The following OPCML variants were observed in gnomAD, a reference collection of about 807,000 sequenced individuals.
OPCML encodes opioid binding protein/cell adhesion molecule like, also known as opioid-binding protein/cell adhesion molecule.
OPCML carries 13 observed loss-of-function variants against 37.8 expected under a neutral mutation model. The observed-to-expected ratio is 0.34, with a 90% CI of 0.22 to 0.55. The LOEUF is 0.55. Ranked by LOEUF, OPCML falls within the 20% of genes least tolerant of loss-of-function variation. The probability of loss-of-function intolerance (pLI) is 0.91; values close to 1 mark genes in which losing one functional copy is unlikely to be tolerated. For synonymous variants in OPCML, 176 were observed against 168.8 expected (o/e 1.04, Z -0.33); for missense variants, 341 against 435.6 (o/e 0.78, Z 1.93).
In OPCML at chr11:132,416,675, G is replaced by A. The variant is rs1238500051; in HGVS notation, c.*3518C>T. ...GCATGGATGTAAGAAGAAAGAGACT[G>A]GGGCCTCTTTGTGACACAACACCTT... On this transcript the variant is annotated 3_prime_UTR_variant, in exon 8 of 8. Coordinates refer to ENST00000524381, the MANE Select transcript of OPCML (RefSeq NM_001012393.5). 6.6e-6 allele frequency: 1 copy of A among 152,124 alleles called. No individual in the cohort carries two copies. The highest frequency in any genetic ancestry group is 1.5e-5 in the Non-Finnish European group (1 of 68,028). The allele number at this position is 152,124 out of a possible 1,614,324, so 9.4% of individuals were successfully genotyped here.
chr11:132,964,114 A>G (rs1946159334), intron 1 of OPCML, among the ~76,000 whole-genome samples: 1 of 152,216 alleles, frequency 6.6e-6, no homozygotes, highest in Non-Finnish European at 1.5e-5. Flanking sequence ...GTTGAGAGGA[A>G]AGTCACAGTC....
intron 2 of OPCML, among the ~76,000 whole-genome samples, chr11:132,827,132 CAT>C (rs1940396070): frequency 1.3e-5 from 2 of 152,064 alleles, no homozygotes; most frequent in Admixed American, 1.3e-4. Context: ...GAAGACAAGA[CAT>C]AGGATGGGAG....
At chr11:133,043,963 G>T (rs756239947) in intron 1 of OPCML, among the ~76,000 whole-genome samples, 3 of 152,208 alleles carry the variant, frequency 2.0e-5, no homozygotes, top group Non-Finnish European at 2.9e-5. Context: ...ATCGAGGGGG[G>T]CACAGCAGAC....
chr11:133,016,593 G>C (rs542274725), intron 1 of OPCML, among the ~76,000 whole-genome samples: 1 of 152,296 alleles, frequency 6.6e-6, no homozygotes, highest in East Asian at 1.9e-4. Flanking sequence ...CTGTGCATTA[G>C]AACATAATAT....
In OPCML at chr11:132,511,831, C is replaced by T. The variant is rs191166516; in HGVS notation, c.505+17230G>A. ...AAAACATAGAATATAACGTTTTTAA[C>T]CTCCATTAAGTGTGAAATATTGATA... On this transcript the variant is annotated intron_variant, in intron 4 of 7. Coordinates refer to ENST00000524381, the MANE Select transcript of OPCML (RefSeq NM_001012393.5). 3.4e-3 allele frequency among the ~76,000 whole-genome samples: 519 copies of T among 150,978 alleles called. 2 individuals are homozygous for T. Among genetic ancestry groups the T allele is most frequent in the African/African-American group, 0.012 (491 of 41,284 alleles).
At chr11:132,592,618 G>A (rs544674714) in intron 3 of OPCML, among the ~76,000 whole-genome samples, 1 of 152,328 alleles carries the variant, frequency 6.6e-6, no homozygotes, top group Admixed American at 6.5e-5. Flanking sequence ...GACCTGCAGT[G>A]CAGGACCCTC....
chr11:133,301,458 G>T (rs964488229), intron 1 of OPCML: 2 of 152,106 alleles, frequency 1.3e-5, no homozygotes, highest in Non-Finnish European at 2.9e-5. Flanking sequence ...ACAAAAATAC[G>T]AATTTGAGGT....
rs57020434 is a variant in OPCML at position 132,686,200 on chromosome 11, A to G, written c.147-28881T>C. 8.3e-3 allele frequency among the ~76,000 whole-genome samples: 1,269 copies of G among 152,298 alleles called. 22 individuals carry two copies. Among genetic ancestry groups the G allele is most frequent in the African/African-American group, 0.029 (1,207 of 41,554 alleles). The stretch of plus-strand genomic sequence containing the variant: ...CCGAAGCAGATGTGTGCAGATCATC[A>G]ATTCTAACTCAGACTGTGCAACTTG... On this transcript the variant is annotated intron_variant, in intron 2 of 7. Coordinates refer to ENST00000524381, the MANE Select transcript of OPCML (RefSeq NM_001012393.5).
chr11:133,319,941 T>C (rs1943291512), intron 1 of OPCML, among the ~76,000 whole-genome samples: 1 of 152,238 alleles, frequency 6.6e-6, no homozygotes, highest in Non-Finnish European at 1.5e-5. Context: ...ATGCATCAGG[T>C]TGGTGTGGGA....
chr11:132,615,998 G>T (rs529168452), intron 3 of OPCML, among the ~76,000 whole-genome samples: 1 of 152,128 alleles, frequency 6.6e-6, no homozygotes, highest in Non-Finnish European at 1.5e-5. Context: ...TGAAGAAGCA[G>T]GTCTGTTTAT....
At chr11:133,315,410 A>G (rs1464180705) in intron 1 of OPCML, among the ~76,000 whole-genome samples, 1 of 152,200 alleles carries the variant, frequency 6.6e-6, no homozygotes, top group African/African-American at 2.4e-5. Context: ...CACTTAGGAA[A>G]ACCACTACTA....
chr11:132,567,468 A>G (rs2096426386), intron 3 of OPCML, among the ~76,000 whole-genome samples: 1 of 152,098 alleles, frequency 6.6e-6, no homozygotes, highest in South Asian at 2.1e-4. Context: ...GGGATGGTGA[A>G]TTTGTTATGA....
chr11:133,402,512 G>A (rs953151598), intron 1 of OPCML, among the ~76,000 whole-genome samples: 4 of 152,114 alleles, frequency 2.6e-5, no homozygotes, highest in Admixed American at 2.0e-4. Context: ...TAGATGATCA[G>A]GATGATCAGT....
chr11:132,972,205 C>T (rs756648466), intron 1 of OPCML, among the ~76,000 whole-genome samples: 2 of 152,048 alleles, frequency 1.3e-5, no homozygotes, highest in Admixed American at 6.6e-5. Flanking sequence ...GCAGCTTCTT[C>T]GTTGTAAAAC....
chr11:133,336,601 T>C (rs1592212938), intron 1 of OPCML, among the ~76,000 whole-genome samples: 1 of 152,202 alleles, frequency 6.6e-6, no homozygotes, highest in African/African-American at 2.4e-5. Flanking sequence ...TGAAATACAA[T>C]AGAAATTCAT....
chr11:132,819,451 G>T (rs1019493619), intron 2 of OPCML, among the ~76,000 whole-genome samples: 35 of 151,744 alleles, frequency 2.3e-4, no homozygotes, highest in African/African-American at 7.7e-4. Context: ...TTAAAAAATT[G>T]CATAGAAATT....
At chr11:133,151,726 C>G (rs1304774071) in intron 1 of OPCML, among the ~76,000 whole-genome samples, 1 of 152,172 alleles carries the variant, frequency 6.6e-6, no homozygotes, top group Non-Finnish European at 1.5e-5. Context: ...CTGGTTCCCA[C>G]CTGTGTTCTA....
chr11:132,862,348 C>T (rs985515804), intron 2 of OPCML, among the ~76,000 whole-genome samples: 4 of 152,084 alleles, frequency 2.6e-5, no homozygotes, highest in African/African-American at 7.2e-5. Context: ...AATTTGACTT[C>T]GTTTTGAAAT....
chr11:132,731,728 A>G (rs916376905), intron 2 of OPCML, among the ~76,000 whole-genome samples: 1 of 152,164 alleles, frequency 6.6e-6, no homozygotes, highest in African/African-American at 2.4e-5. Context: ...TTTTGAGTTG[A>G]CTCTTGAAGA....
Sources: allele counts gnomAD v4.1 joint callset (sites outside exome capture counted in the v4.1 genomes callset), GRCh38; gene constraint gnomAD v4.1.1; transcripts MANE v1.5; gene names NCBI Gene and HGNC (gene_info 2026-07-23, HGNC 2026-07-21).